SLC37A1: variants seen among roughly 807,000 people sequenced by gnomAD.
The protein encoded by SLC37A1 is glucose-6-phosphate exchanger SLC37A1.
Under a neutral mutation model 75.3 loss-of-function variants are expected in SLC37A1, and 49 were observed. That is an observed-to-expected ratio of 0.65 (90% CI 0.52 to 0.83). The LOEUF (loss-of-function observed/expected upper bound fraction) is 0.83. Ranked by LOEUF, SLC37A1 falls within the 40% of genes least tolerant of loss-of-function variation. The pLI, the probability that SLC37A1 is intolerant of heterozygous loss-of-function variation, is 0.00. For synonymous variants in SLC37A1, 268 were observed against 292.1 expected (o/e 0.92, Z 0.84); for missense variants, 566 against 695.0 (o/e 0.81, Z 2.09).
chr21:42,566,645 C>T (rs187558678), intron 15 of SLC37A1, among the ~76,000 whole-genome samples: 3 of 152,180 alleles, frequency 2.0e-5, no homozygotes, highest in East Asian at 1.9e-4. Flanking sequence ...TGACCTGGTC[C>T]GGAGAGAGGG....
chr21:42,571,070 C>A lies in SLC37A1; in HGVS notation c.1423+2632C>A, dbSNP rs1182745265. ...CTGCTGCCTGCTCAGTGAATGGTCA[C>A]CATGGAAACGGCGCTCAGGCCTACC... On this transcript the variant is annotated intron_variant, in intron 17 of 19. Transcript: ENST00000352133. 2.0e-5 allele frequency among the ~76,000 whole-genome samples: 3 copies of A among 152,354 alleles called. No individual in the cohort carries two copies. In the East Asian group the frequency reaches 5.8e-4, roughly 29 times the overall value.
intron 10 of SLC37A1, among the ~76,000 whole-genome samples, chr21:42,556,626 C>G (rs1230875226): frequency 1.3e-5 from 2 of 152,218 alleles, no homozygotes; most frequent in East Asian, 3.9e-4. Context: ...CAGAAGCCCC[C>G]ACACCCACCG....
At chr21:42,579,035 G>C (rs994437100) in intron 18 of SLC37A1, among the ~76,000 whole-genome samples, 19 of 152,240 alleles carry the variant, frequency 1.2e-4, no homozygotes, top group African/African-American at 4.1e-4. Context: ...GGAGAGACTG[G>C]ATCCACACTG....
rs2055396852 is a variant in SLC37A1 at position 42,545,914 on chromosome 21, A to G, written c.731-1189A>G. 6.6e-6 allele frequency among the ~76,000 whole-genome samples: 1 copy of G among 152,254 alleles called. No individual in the cohort carries two copies. Among genetic ancestry groups the G allele is most frequent in the Admixed American group, 6.5e-5 (1 of 15,288 alleles). On this transcript the variant is annotated intron_variant, in intron 8 of 19. Coordinates refer to ENST00000352133, the MANE Select transcript of SLC37A1 (RefSeq NM_001320537.2). This position sits in a 1 kb window ranked among gnomAD's most constrained non-coding sequence, Gnocchi z 4.0. ...TCTGGGTGCAGACCCACCTGGCCCT[A>G]CGGCATGTTGATAATAACCTTATCA...
At position 42,542,106 on chromosome 21, in the gene SLC37A1, G is replaced by A. The variant is rs553964844; in HGVS notation, c.487-298G>A. On this transcript the variant is annotated intron_variant, in intron 6 of 19. Coordinates refer to ENST00000352133, the MANE Select transcript of SLC37A1 (RefSeq NM_001320537.2). ...GCTTGGCCCCACACTGTTATGAGGT[G>A]TGATCTGCTGGTGGTGGGGTTCTGG... is the stretch of plus-strand genomic sequence containing the variant. Among the ~76,000 whole-genome samples the A allele has an allele frequency of 2.6e-5, 4 of 152,292 alleles. No homozygotes were observed. The South Asian group carries it at 8.3e-4, about 32-fold the overall frequency.
At chr21:42,573,365 G>A (rs1018687130) in intron 17 of SLC37A1, among the ~76,000 whole-genome samples, 17 of 151,898 alleles carry the variant, frequency 1.1e-4, no homozygotes, top group Admixed American at 2.0e-4. Flanking sequence ...CTTGGGCTCC[G>A]CTGGGCCTCG....
intron 1 of SLC37A1, among the ~76,000 whole-genome samples, chr21:42,499,911 C>T (rs998292387): frequency 2.6e-5 from 4 of 152,218 alleles, no homozygotes; most frequent in South Asian, 2.1e-4. Context: ...TGGCCTAGGC[C>T]GGGGAAACTG....
At chr21:42,529,512 C>G (rs2054888252) in intron 3 of SLC37A1, among the ~76,000 whole-genome samples, 1 of 152,154 alleles carries the variant, frequency 6.6e-6, no homozygotes, top group Admixed American at 6.5e-5. Flanking sequence ...CGAGACCACA[C>G]CACCGCACTC....
chr21:42,563,149 C>T (rs1025954541), intron 12 of SLC37A1, among the ~76,000 whole-genome samples: 14 of 152,246 alleles, frequency 9.2e-5, no homozygotes, highest in South Asian at 2.1e-4. Context: ...TTGTGACCCC[C>T]GCCTCACTTT....
intron 2 of SLC37A1, among the ~76,000 whole-genome samples, chr21:42,521,113 C>T (rs2054637699): frequency 6.6e-6 from 1 of 152,210 alleles, no homozygotes; most frequent in Non-Finnish European, 1.5e-5. Context: ...CCCCGTGGGG[C>T]GGCAGCTTGA....
upstream of SLC37A1, among the ~76,000 whole-genome samples, chr21:42,511,862 C>T (rs1194150205): frequency 6.6e-6 from 1 of 151,986 alleles, no homozygotes; most frequent in Non-Finnish European, 1.5e-5. Context: ...ATCTGAAAAA[C>T]TTGAACTCAG....
intron 8 of SLC37A1, among the ~76,000 whole-genome samples, chr21:42,546,690 G>T (rs959325040): frequency 5.3e-5 from 8 of 152,236 alleles, no homozygotes; most frequent in Non-Finnish European, 7.3e-5. Flanking sequence ...GGCGTGTGCG[G>T]GAGTCACTGG....
chr21:42,527,396 C>T (rs2054823933), intron 3 of SLC37A1, among the ~76,000 whole-genome samples: 1 of 151,996 alleles, frequency 6.6e-6, no homozygotes, highest in South Asian at 2.1e-4. Context: ...ATCTCAAAGC[C>T]CCCGCCCCTG....
intron 1 of SLC37A1, among the ~76,000 whole-genome samples, chr21:42,502,124 A>G (rs1475823323): frequency 6.6e-6 from 1 of 152,222 alleles, no homozygotes; most frequent in Non-Finnish European, 1.5e-5. Flanking sequence ...TAATTATGTA[A>G]CATTTGATGC....
At position 42,514,106 on chromosome 21, in the gene SLC37A1, G is replaced by C. The variant is rs1452546781; in HGVS notation, c.-790G>C. The C allele has an allele frequency of 2.0e-5, 3 of 150,936 alleles. No homozygotes were observed. The highest frequency in any genetic ancestry group is 4.4e-5 in the Non-Finnish European group (3 of 67,648). The allele number at this position is 150,936 out of a possible 1,614,324, so 9.3% of individuals were successfully genotyped here. A position where few individuals can be genotyped will look rare whatever the true frequency, so the allele number is the denominator to read the frequency against. On this transcript the variant is annotated 5_prime_UTR_variant, in exon 1 of 20. Coordinates refer to ENST00000352133, the MANE Select transcript of SLC37A1 (RefSeq NM_001320537.2). The surrounding 1 kb of genome is among the most constrained non-coding windows in gnomAD (Gnocchi z 4.8). ...CCTCTCCTTCCTTTTCTTTTTTTTC[G>C]GGGGGAGGTGGGGGCTGGTTTGGAT...
At chr21:42,553,560 T>C (rs1053583722) in intron 9 of SLC37A1, among the ~76,000 whole-genome samples, 1 of 152,236 alleles carries the variant, frequency 6.6e-6, no homozygotes, top group African/African-American at 2.4e-5. Flanking sequence ...TGAAATGATT[T>C]TGAGTTTTGG....
intron 6 of SLC37A1, 54 bp from the exon 7 acceptor site, chr21:42,542,350 G>A (rs529305746): frequency 1.7e-5 from 27 of 1,545,172 alleles, no homozygotes; most frequent in Non-Finnish European, 2.1e-5. Flanking sequence ...TCCCTGCAGC[G>A]CTGTCCCGGG....
intron 15 of SLC37A1, among the ~76,000 whole-genome samples, chr21:42,566,561 G>A (rs748544056): frequency 2.0e-5 from 3 of 151,768 alleles, no homozygotes; most frequent in Non-Finnish European, 2.9e-5. Flanking sequence ...GAGAGGAAGC[G>A]GAATTTCCTG....
At chr21:42,572,986 C>T (rs946589775) in intron 17 of SLC37A1, among the ~76,000 whole-genome samples, 7 of 152,204 alleles carry the variant, frequency 4.6e-5, no homozygotes, top group African/African-American at 7.2e-5. Flanking sequence ...CCTGCGGAAC[C>T]TGCAGGAGGA....
Sources: allele counts gnomAD v4.1 joint callset (sites outside exome capture counted in the v4.1 genomes callset), GRCh38; gene constraint gnomAD v4.1.1; non-coding constraint Gnocchi (gnomAD v3.1); transcripts MANE v1.5; gene names NCBI Gene and HGNC (gene_info 2026-07-23, HGNC 2026-07-21).